The following ZNF536 variants were observed in gnomAD, a reference collection of about 807,000 sequenced individuals.
The protein encoded by ZNF536 is zinc finger protein 536.
Under a neutral mutation model 84.5 loss-of-function variants are expected in ZNF536, and 13 were observed. The observed-to-expected ratio is 0.15, with a 90% CI of 0.10 to 0.24. The LOEUF (loss-of-function observed/expected upper bound fraction) is 0.24, where lower values mean the gene tolerates loss of function less well. Among genes scored for constraint, ZNF536 ranks in the 10% least tolerant of loss-of-function variants. ZNF536 has a pLI of 1.00. For synonymous variants in ZNF536, 811 were observed against 742.5 expected, an observed-to-expected ratio of 1.09 and a Z score of -1.50; for missense variants, 1,536 against 1,747.5, an observed-to-expected ratio of 0.88 and a Z score of 2.16.
intron 1 of ZNF536, among the ~76,000 whole-genome samples, chr19:30,245,785 G>C (rs2024228304): frequency 6.6e-6 from 1 of 152,238 alleles, no homozygotes; most frequent in South Asian, 2.1e-4. Context: ...TTCTGGCTTG[G>C]GTTTTGGCCT....
At chr19:30,613,839 C>T (rs1398045841) in intron 1 of ZNF536, among the ~76,000 whole-genome samples, 1 of 79,440 alleles carries the variant, frequency 1.3e-5, no homozygotes, top group Admixed American at 1.3e-4. Context: ...ATTTGCAGTT[C>T]TAGACTTTGT....
At chr19:30,245,684 C>T (rs1038166706) in intron 1 of ZNF536, among the ~76,000 whole-genome samples, 1 of 152,192 alleles carries the variant, frequency 6.6e-6, no homozygotes, top group Non-Finnish European at 1.5e-5. Context: ...AATATATTAG[C>T]GTTATTGCCA....
At chr19:30,644,371 T>A (rs1290804584) in intron 1 of ZNF536, among the ~76,000 whole-genome samples, 1 of 152,214 alleles carries the variant, frequency 6.6e-6, no homozygotes, top group Admixed American at 6.5e-5. Context: ...TTCTTTCTTT[T>A]TTTTTTAATT....
intron 1 of ZNF536, among the ~76,000 whole-genome samples, chr19:30,267,583 G>C (rs567845000): frequency 6.6e-6 from 1 of 152,172 alleles, no homozygotes; most frequent in South Asian, 2.1e-4. Flanking sequence ...ATGGGAAGGA[G>C]GGGCCAACTC....
chr19:30,597,121 T>C (rs1258705591), intron 1 of ZNF536, among the ~76,000 whole-genome samples: 1 of 152,234 alleles, frequency 6.6e-6, no homozygotes, highest in Non-Finnish European at 1.5e-5. Context: ...GAAAGATCTC[T>C]GTCCCTGGGA....
At chr19:30,475,758 G>A (rs950259477) in intron 2 of ZNF536, among the ~76,000 whole-genome samples, 2 of 152,102 alleles carry the variant, frequency 1.3e-5, no homozygotes, top group Admixed American at 6.5e-5. Context: ...ACATGGCCCC[G>A]TGTACTGGCT....
chr19:30,279,455 T>C (rs766695978), intron 1 of ZNF536, among the ~76,000 whole-genome samples: 2 of 152,058 alleles, frequency 1.3e-5, no homozygotes, highest in Non-Finnish European at 2.9e-5. Context: ...CAACAATGGG[T>C]GTGTCATTTG....
intron 2 of ZNF536, among the ~76,000 whole-genome samples, chr19:30,303,298 G>A (rs1023851639): frequency 1.6e-4 from 24 of 152,188 alleles, no homozygotes; most frequent in African/African-American, 5.3e-4. Context: ...CAGTTAGCTC[G>A]GTGGCTGGTG....
chr19:30,304,709 G>A (rs564044223), intron 2 of ZNF536, among the ~76,000 whole-genome samples: 2 of 152,314 alleles, frequency 1.3e-5, no homozygotes, highest in South Asian at 4.1e-4. Flanking sequence ...GGAGGAAAGC[G>A]GTGAGGGGAG....
At chr19:30,470,583 C>T (rs183320218) in intron 2 of ZNF536, among the ~76,000 whole-genome samples, 2 of 152,140 alleles carry the variant, frequency 1.3e-5, no homozygotes, top group East Asian at 3.9e-4. Context: ...CCCACACCTC[C>T]CCCACTAATG....
chr19:30,579,553 C>A (rs1034122618), intron 1 of ZNF536, among the ~76,000 whole-genome samples: 1 of 152,172 alleles, frequency 6.6e-6, no homozygotes, highest in African/African-American at 2.4e-5. Context: ...CGCAGAGGCA[C>A]TTCTGCCCAA....
At chr19:30,455,222 A>G (rs1317922305) in intron 2 of ZNF536, among the ~76,000 whole-genome samples, 1 of 152,244 alleles carries the variant, frequency 6.6e-6, no homozygotes, top group Non-Finnish European at 1.5e-5. Flanking sequence ...AATAAAAAAA[A>G]TTAAATGTGT....
intron 2 of ZNF536, among the ~76,000 whole-genome samples, chr19:30,483,420 C>T (rs368327512): frequency 2.6e-5 from 4 of 152,062 alleles, no homozygotes; most frequent in East Asian, 3.9e-4. Context: ...TCCCAAATGC[C>T]GAGTCTTCCG....
chr19:30,662,655 CA>C (rs1255355718), intron 1 of ZNF536, among the ~76,000 whole-genome samples: 2 of 151,682 alleles, frequency 1.3e-5, no homozygotes, highest in African/African-American at 4.8e-5. Context: ...TCTTATTTTT[CA>C]ATGAAGAGTG....
chr19:30,244,401 T>C (rs1192732757), intron 1 of ZNF536, among the ~76,000 whole-genome samples: 2 of 152,210 alleles, frequency 1.3e-5, no homozygotes, highest in African/African-American at 4.8e-5. Flanking sequence ...TTCCTTTGTT[T>C]TCCAGGGATC....
chr19:30,577,220 G>A (rs1297619814), intron 1 of ZNF536, among the ~76,000 whole-genome samples: 1 of 152,152 alleles, frequency 6.6e-6, no homozygotes, highest in East Asian at 1.9e-4. Flanking sequence ...GGGTGGAGTG[G>A]CAGTTGTGGT....
At chr19:30,578,811 A>G (rs1229729323) in intron 1 of ZNF536, among the ~76,000 whole-genome samples, 1 of 152,162 alleles carries the variant, frequency 6.6e-6, no homozygotes, top group Non-Finnish European at 1.5e-5. Flanking sequence ...CTCATGGGCC[A>G]TTTATCAGGC....
chr19:30,664,202 TTTTCTCTCTCTCTCTCTCTCTCTCTC>T (rs1215679147), intron 1 of ZNF536, among the ~76,000 whole-genome samples: 1,486 of 118,506 alleles, frequency 0.013, 60 homozygotes, highest in African/African-American at 0.038. Context: ...TCTTGCTGAG[TTTTCTCTCTCTCTCTCTCTCTCTCTC>T]TCTCTCTCTC....
intron 2 of ZNF536, among the ~76,000 whole-genome samples, chr19:30,328,442 C>T (rs918443412): frequency 6.6e-6 from 1 of 152,202 alleles, no homozygotes; most frequent in Non-Finnish European, 1.5e-5. Flanking sequence ...GCTCTTGGGG[C>T]TCTCTGCTGC....
Sources: gnomAD v4.1 joint callset for allele counts (sites outside exome capture counted in the v4.1 genomes callset) on GRCh38, gnomAD v4.1.1 for gene constraint, MANE v1.5 for transcripts, NCBI Gene and HGNC (gene_info 2026-07-23, HGNC 2026-07-21) for gene names.